NAGK: variants seen among roughly 807,000 people sequenced by gnomAD.
The protein encoded by NAGK is N-acetyl-D-glucosamine kinase.
A neutral mutation model predicts 42.9 loss-of-function variants in NAGK; 35 were observed. That is an observed-to-expected ratio of 0.82 (90% CI 0.62 to 1.08). NAGK has a LOEUF of 1.08. Ranked by LOEUF, NAGK falls within the 50% of genes least tolerant of loss-of-function variation. NAGK has a pLI of 0.00. For missense variants in NAGK, 446 were observed against 446.0 expected (o/e 1.00, Z 0.00); for synonymous variants, 172 against 176.0 (o/e 0.98, Z 0.18).
Position 71,072,700 on chromosome 2 carries a change from TCCGAGAGTG to T in NAGK, c.416_424del (p.Ser139_Gly142delinsCys). On this transcript the variant is annotated inframe_deletion, in exon 5 of 10. Transcript: ENST00000244204. ...CTGCAGGCTCATCAACCCTGATGGC[TCCGAGAGTG>T]GCTGCGGCGGCTGGGGCCATATGAT... 2.5e-6 allele frequency: 4 copies of T among 1,614,146 alleles called. No individual in the cohort carries two copies. The highest frequency in any genetic ancestry group is 3.4e-6 in the Non-Finnish European group (4 of 1,179,998).
At chr2:71,073,316 AC>A in intron 5 of NAGK, 165 bp from the exon 6 acceptor site, 1 of 544,860 alleles carries the variant, frequency 1.8e-6, no homozygotes, top group Non-Finnish European at 3.4e-6. Flanking sequence ...TTTGATAGAG[AC>A]CCTCCCACCC....
rs1483418465 is a variant in NAGK, at chr2:71,068,675, A to T, written c.-9A>T. ...AAACGGCGGGACCAGCAGCGACGGTAGCAGCAGCATGGCCGCGATCTATGG... is the reference window on the plus strand; with the variant it reads ...AAACGGCGGGACCAGCAGCGACGGTTGCAGCAGCATGGCCGCGATCTATGG... On this transcript the variant is annotated 5_prime_UTR_variant, in exon 1 of 10. Coordinates refer to ENST00000244204, the MANE Select transcript of NAGK (RefSeq NM_017567.6). The T allele has an allele frequency of 1.3e-6, 2 of 1,519,942 alleles. No homozygotes were observed. The highest frequency in any genetic ancestry group is 2.9e-5 in the African/African-American group (2 of 70,012). The allele number at this position is 1,519,942 out of a possible 1,614,324, so 94.2% of individuals were successfully genotyped here. A position where few individuals can be genotyped will look rare whatever the true frequency, so the allele number is the denominator to read the frequency against.
chr2:71,072,452 T>G (rs1672051786), intron 4 of NAGK, 189 bp from the exon 5 acceptor site: 2 of 555,794 alleles, frequency 3.6e-6, no homozygotes, highest in South Asian at 4.1e-5. Context: ...CGTTATGGGA[T>G]TAGAGTTTTT....
chr2:71,068,343 G>A, upstream of NAGK: 1 of 651,686 alleles, frequency 1.5e-6, no homozygotes. Flanking sequence ...GCAGGTCAGT[G>A]ATGTGTCCTA....
Position 71,072,660 on chromosome 2 carries a change from TG to T in NAGK, c.377del (p.Gly126GlufsTer24). 8 of 1,614,100 alleles carry T rather than the reference TG, an allele frequency of 5.0e-6. No homozygotes were observed. The highest frequency in any genetic ancestry group is 6.8e-6 in the Non-Finnish European group (8 of 1,179,942). On this transcript the variant is annotated frameshift_variant, in exon 5 of 10. Coordinates refer to ENST00000244204, the MANE Select transcript of NAGK (RefSeq NM_017567.6). LOFTEE classifies it high-confidence loss of function. ...CCCCAGGTGGAGTTGTGCTCATATC[TG>T]GAACAGGCTCCAACTGCAGGCTCAT... is the stretch of plus-strand genomic sequence containing the variant. ...TPDGGVVLISGTGSNCRLINP... is the reference protein window; with the variant it reads ...TPDGGVVLISXTGSNCRLINP...
intron 6 of NAGK, 57 bp downstream of exon 6, chr2:71,073,651 C>T: frequency 7.2e-7 from 1 of 1,386,566 alleles, no homozygotes; most frequent in Non-Finnish European, 1.0e-6. Context: ...TGAAACACTC[C>T]AAGTAAGAGT....
rs747475792 is a variant in NAGK at position 71,071,791 on chromosome 2, G to A, written c.319G>A (p.Asp107Asn). 92 of 1,614,028 alleles carry A rather than the reference G, an allele frequency of 5.7e-5. No individual in the cohort carries two copies. The highest frequency in any genetic ancestry group is 2.0e-4 in the Admixed American group (12 of 60,010). The change falls in exon 4 of 10, where the codon GAT (aspartate) becomes AAT (asparagine). Residue 107 changes from aspartate (D) to asparagine (N), a missense_variant. Physicochemically the swap from Asp to Asn is conservative, Grantham distance 23. Coordinates refer to ENST00000244204, the MANE Select transcript of NAGK (RefSeq NM_017567.6). ...GAGTGAAAGCTACTTAATCACCACCGATGCCGCCGGCTCCATCGCCACAGC... is the reference window on the plus strand; with the variant it reads ...GAGTGAAAGCTACTTAATCACCACCAATGCCGCCGGCTCCATCGCCACAGC... ...YLSESYLITT[D>N]AAGSIATATP... is the part of the protein sequence containing the mutation.
chr2:71,075,274 CA>C, intron 6 of NAGK: 2 of 289,928 alleles, frequency 6.9e-6, no homozygotes, highest in Non-Finnish European at 1.3e-5. Context: ...AAAAAAATTA[CA>C]AAAAAAGAGC....
chr2:71,077,466 T>A, intron 8 of NAGK, 92 bp from the exon 9 acceptor site: 2 of 1,242,138 alleles, frequency 1.6e-6, no homozygotes, highest in South Asian at 2.6e-5. Flanking sequence ...GGCGAGTAAC[T>A]GGGATAGAGT....
In NAGK at chr2:71,079,177, A is replaced by G. The variant is rs878862000; in HGVS notation, c.*669A>G. 1.3e-5 allele frequency: 2 copies of G among 152,312 alleles called. No individual in the cohort carries two copies. Among genetic ancestry groups the G allele is most frequent in the Non-Finnish European group, 1.5e-5 (1 of 68,096 alleles). 9.4% of individuals were successfully genotyped at this position (152,312 alleles called of 1,614,324 possible). A position where few individuals can be genotyped will look rare whatever the true frequency, so the allele number is the denominator to read the frequency against. ...CCAACTAGGTACCGCTCACCTCGGT[A>G]GCTGACCTATTCCTGGCTACTACTA... On this transcript the variant is annotated 3_prime_UTR_variant, in exon 10 of 10. Transcript: ENST00000244204.
intron 8 of NAGK, 141 bp from the exon 9 acceptor site, chr2:71,077,417 T>A: frequency 1.4e-6 from 1 of 731,720 alleles, no homozygotes; most frequent in Non-Finnish European, 2.3e-6. Flanking sequence ...CCTTTTTTTT[T>A]CCCCTTTCCT....
chr2:71,068,440 A>G, upstream of NAGK: 1 of 1,356,752 alleles, frequency 7.4e-7, no homozygotes, highest in Non-Finnish European at 9.5e-7. Flanking sequence ...GGAGGACGGG[A>G]GGGGCCGCTG....
rs577425500 is a variant in NAGK at position 71,076,879 on chromosome 2, G to A, written c.765+178G>A. On this transcript the variant is annotated intron_variant, in intron 8 of 9. Coordinates refer to ENST00000244204, the MANE Select transcript of NAGK (RefSeq NM_017567.6). The stretch of plus-strand genomic sequence containing the variant: ...CAAAAAAGTTCTTTGGTCAAATGCC[G>A]CCCTCTGTAATTGGCCTGTAATCTG... Among the ~76,000 whole-genome samples, 3 of 152,270 alleles carry A rather than the reference G, an allele frequency of 2.0e-5. 1 individual carries two copies. The East Asian group carries it at 5.8e-4, about 29-fold the overall frequency.
At chr2:71,078,149 A>G (rs1672281693) in intron 9 of NAGK, among the ~76,000 whole-genome samples, 169 bp from the exon 10 acceptor site, 1 of 152,144 alleles carries the variant, frequency 6.6e-6, no homozygotes, top group Admixed American at 6.5e-5. Flanking sequence ...GCTGGCTCCA[A>G]TACTCGAGTA....
chr2:71,075,778 C>T (rs1558729495), intron 7 of NAGK, 136 bp downstream of exon 7: 3 of 845,312 alleles, frequency 3.5e-6, no homozygotes, highest in Non-Finnish European at 5.8e-6. Flanking sequence ...CCACCACTGG[C>T]CTTGGTGGTG....
At position 71,072,742 on chromosome 2, in the gene NAGK, G is replaced by T. The variant is rs949521353; in HGVS notation, c.457G>T (p.Glu153Ter). Residue 153 changes from glutamate (E) to a stop codon, truncating the protein, a stop_gained, in exon 5 of 10, where the codon GAG becomes TAG. Coordinates refer to ENST00000244204, the MANE Select transcript of NAGK (RefSeq NM_017567.6). LOFTEE classifies it high-confidence loss of function. The stretch of plus-strand genomic sequence containing the variant: ...CGGCTGGGGCCATATGATGGGTGAT[G>T]AGGGTTCAGGTGAGCTCACTGACTG... The part of the protein sequence containing the change: ...CGGWGHMMGD[E>*]GSAYWIAHQA... 1 of 1,613,590 alleles carries T rather than the reference G, an allele frequency of 6.2e-7. No individual in the cohort carries two copies. Among genetic ancestry groups the T allele is most frequent in the African/African-American group, 1.3e-5 (1 of 74,920 alleles).
At chr2:71,071,533 G>T in intron 3 of NAGK, 153 bp from the exon 4 acceptor site, 1 of 1,053,386 alleles carries the variant, frequency 9.5e-7, no homozygotes, top group Non-Finnish European at 1.3e-6. Context: ...CCTTCTGAGG[G>T]GTCATTGTGT....
intron 5 of NAGK, chr2:71,073,281 C>T (rs1672087375): frequency 1.7e-6 from 1 of 593,202 alleles, no homozygotes; most frequent in Admixed American, 2.9e-5. Flanking sequence ...TCCAACTTTC[C>T]CTTATCTTGG....
chr2:71,075,913 T>C, intron 7 of NAGK: 1 of 504,702 alleles, frequency 2.0e-6, no homozygotes, highest in South Asian at 2.7e-5. Context: ...GAGGAATTTA[T>C]GAAGCAGTTG....
Sources: gnomAD v4.1 joint callset for allele counts (sites outside exome capture counted in the v4.1 genomes callset) on GRCh38, gnomAD v4.1.1 for gene constraint, MANE v1.5 for transcripts, NCBI Gene and HGNC (gene_info 2026-07-23, HGNC 2026-07-21) for gene names.